APBA2: variants seen among roughly 807,000 people sequenced by gnomAD.
The protein encoded by APBA2 is amyloid beta precursor protein binding family A member 2, also known as amyloid-beta A4 precursor protein-binding family A member 2.
Under a neutral mutation model 75.0 loss-of-function variants are expected in APBA2, and 30 were observed. The observed-to-expected ratio is 0.40, with a 90% CI of 0.30 to 0.54. The LOEUF (loss-of-function observed/expected upper bound fraction) is 0.54, where lower values mean the gene tolerates loss of function less well. APBA2 is among the 20% of genes least tolerant of loss of function. The pLI, the probability that APBA2 is intolerant of heterozygous loss-of-function variation, is 0.49. For missense variants in APBA2, 801 were observed against 1,016.1 expected, an observed-to-expected ratio of 0.79 and a Z score of 2.88; for synonymous variants, 444 against 409.6, an observed-to-expected ratio of 1.08 and a Z score of -1.01.
At chr15:29,083,360 C>G (rs2043161555) in intron 6 of APBA2, among the ~76,000 whole-genome samples, 1 of 152,124 alleles carries the variant, frequency 6.6e-6, no homozygotes, top group Non-Finnish European at 1.5e-5. Context: ...CAGATCCAGG[C>G]TGCTTTATTT....
At chr15:29,052,454 C>CAAAAA (rs61521872) in intron 3 of APBA2, among the ~76,000 whole-genome samples, 3 of 103,192 alleles carry the variant, frequency 2.9e-5, no homozygotes, top group African/African-American at 1.0e-4. Flanking sequence ...GACTCCATCT[C>CAAAAA]AAAAAAAAAA....
At chr15:28,994,728 G>A (rs575428018) in intron 2 of APBA2, among the ~76,000 whole-genome samples, 173 of 152,310 alleles carry the variant, frequency 1.1e-3, no homozygotes, top group Non-Finnish European at 2.2e-3. Flanking sequence ...TCTTAGAGAA[G>A]TGAAGACGCT....
intron 2 of APBA2, among the ~76,000 whole-genome samples, chr15:28,980,745 C>G (rs764538724): frequency 2.6e-5 from 4 of 152,076 alleles, no homozygotes; most frequent in African/African-American, 4.8e-5. Context: ...GCAATCTGAG[C>G]AAAAAGAAAA....
intron 5 of APBA2, among the ~76,000 whole-genome samples, 199 bp from the exon 6 acceptor site, chr15:29,075,856 C>T (rs1413381941): frequency 1.3e-5 from 2 of 152,054 alleles, no homozygotes; most frequent in Admixed American, 6.6e-5. Context: ...AGATGATGGG[C>T]TTTTGGGCCA....
At chr15:29,028,761 A>G (rs1319154877) in intron 3 of APBA2, among the ~76,000 whole-genome samples, 3 of 152,142 alleles carry the variant, frequency 2.0e-5, no homozygotes, top group Non-Finnish European at 4.4e-5. Flanking sequence ...ATGATCAGTG[A>G]TGTTGAGCTT....
chr15:29,069,083 C>T (rs141468161), intron 4 of APBA2, among the ~76,000 whole-genome samples: 26 of 152,280 alleles, frequency 1.7e-4, no homozygotes, highest in Admixed American at 2.6e-4. Context: ...TTGTCTATTC[C>T]GGATATTCCA....
intron 13 of APBA2, among the ~76,000 whole-genome samples, 164 bp from the exon 14 acceptor site, chr15:29,113,712 A>G (rs1414797867): frequency 1.3e-5 from 2 of 152,246 alleles, no homozygotes; most frequent in African/African-American, 4.8e-5. Context: ...TTAAAGAAAC[A>G]TACTGCATAT....
intron 4 of APBA2, among the ~76,000 whole-genome samples, chr15:29,059,225 G>A (rs956567055): frequency 6.6e-6 from 1 of 152,256 alleles, no homozygotes; most frequent in South Asian, 2.1e-4. Flanking sequence ...ATGTGTGTGT[G>A]TGTGTGTGTG....
intron 2 of APBA2, among the ~76,000 whole-genome samples, chr15:28,972,640 G>A (rs1034851975): frequency 1.4e-4 from 22 of 152,236 alleles, no homozygotes; most frequent in Admixed American, 4.6e-4. Context: ...GGTTCTTTAA[G>A]TGATTCAGAA....
intron 2 of APBA2, among the ~76,000 whole-genome samples, chr15:28,926,857 C>CTT (rs1183331218): frequency 5.8e-4 from 74 of 126,700 alleles, no homozygotes; most frequent in East Asian, 4.6e-3. Context: ...CTCTCTCTCT[C>CTT]TTTTTTTTTT....
intron 2 of APBA2, among the ~76,000 whole-genome samples, chr15:28,982,979 C>G (rs2037705233): frequency 6.6e-6 from 1 of 152,194 alleles, no homozygotes; most frequent in East Asian, 1.9e-4. Flanking sequence ...GGGTTGAGGT[C>G]CTGGCACCTA....
chr15:29,039,940 G>A (rs1014071218), intron 3 of APBA2, among the ~76,000 whole-genome samples: 2 of 152,154 alleles, frequency 1.3e-5, no homozygotes, highest in African/African-American at 4.8e-5. Flanking sequence ...CATTAGAATA[G>A]AGTTTCTGTG....
intron 4 of APBA2, among the ~76,000 whole-genome samples, chr15:29,064,682 A>G (rs113573846): frequency 6.6e-6 from 1 of 152,046 alleles, no homozygotes; most frequent in South Asian, 2.1e-4. Flanking sequence ...AAACAAGACA[A>G]AGGGAAGGCG....
At chr15:28,897,210 C>CGT (rs2152622276) in intron 1 of APBA2, among the ~76,000 whole-genome samples, 1 of 151,570 alleles carries the variant, frequency 6.6e-6, no homozygotes, top group Admixed American at 6.6e-5. Flanking sequence ...CACACACACA[C>CGT]ACGTCCACTA....
intron 10 of APBA2, among the ~76,000 whole-genome samples, chr15:29,103,584 G>A (rs2044240664): frequency 6.6e-6 from 1 of 152,224 alleles, no homozygotes; most frequent in African/African-American, 2.4e-5. Context: ...CGGCCCAGAT[G>A]ACACCGGAAG....
At chr15:28,929,532 G>C (rs189111186) in intron 2 of APBA2, among the ~76,000 whole-genome samples, 1 of 152,298 alleles carries the variant, frequency 6.6e-6, no homozygotes, top group Non-Finnish European at 1.5e-5. Context: ...ATGGCACTTT[G>C]TATGGTGCTG....
chr15:29,000,501 C>T (rs545151964), intron 3 of APBA2, among the ~76,000 whole-genome samples: 73 of 152,306 alleles, frequency 4.8e-4, no homozygotes, highest in African/African-American at 6.7e-4. Flanking sequence ...GTCTTGCTCC[C>T]GTCTTGCTGG....
intron 3 of APBA2, among the ~76,000 whole-genome samples, chr15:29,026,159 T>A (rs1039215828): frequency 6.6e-6 from 1 of 152,140 alleles, no homozygotes; most frequent in African/African-American, 2.4e-5. Context: ...AGGGCCTCAA[T>A]GCCCTGTATG....
chr15:29,054,424 G>A lies in APBA2; in HGVS notation c.540G>A (p.Gln180=), dbSNP rs758366553. The change falls in exon 4 of 15, where the codon CAG becomes CAA. Residue 180 remains glutamine (Q), a synonymous_variant. Coordinates refer to ENST00000683413, the MANE Select transcript of APBA2 (RefSeq NM_001353788.2). The surrounding 1 kb of genome is among the most constrained non-coding windows in gnomAD (Gnocchi z 6.1). ...DEPSVLEAHD[Q]EEDGHYCASK... is the part of the protein sequence containing the mutation. ...CCTCCGTCCTTGAGGCCCATGACCA[G>A]GAAGAAGATGGTCACTACTGTGCCA... The A allele has an allele frequency of 4.3e-6, 7 of 1,614,026 alleles. No homozygotes were observed. In the African/African-American group the frequency reaches 9.3e-5, roughly 22 times the overall value.
Sources: allele counts gnomAD v4.1 joint callset (sites outside exome capture counted in the v4.1 genomes callset), GRCh38; gene constraint gnomAD v4.1.1; non-coding constraint Gnocchi (gnomAD v3.1); transcripts MANE v1.5; gene names NCBI Gene and HGNC (gene_info 2026-07-23, HGNC 2026-07-21).